The following ARSK variants were observed in gnomAD, a reference collection of about 807,000 sequenced individuals.
ARSK encodes the protein arylsulfatase family member K, also known as arylsulfatase K.
ARSK carries 37 observed loss-of-function variants against 53.2 expected under a neutral mutation model. The observed-to-expected ratio is 0.70, with a 90% CI of 0.54 to 0.92. The LOEUF is 0.92. ARSK is among the 40% of genes least tolerant of loss of function. ARSK has a pLI of 0.00. For missense variants in ARSK, 613 were observed against 643.0 expected (o/e 0.95, Z 0.51); for synonymous variants, 208 against 223.2 (o/e 0.93, Z 0.61).
intron 1 of ARSK, among the ~76,000 whole-genome samples, chr5:95,558,738 C>G (rs966720682): frequency 6.6e-6 from 1 of 152,184 alleles, no homozygotes; most frequent in Non-Finnish European, 1.5e-5. Context: ...CAAAGAGAAG[C>G]ACAGACCCAA....
At chr5:95,582,211 C>T (rs1367392377) in intron 3 of ARSK, among the ~76,000 whole-genome samples, 2 of 152,086 alleles carry the variant, frequency 1.3e-5, no homozygotes, top group Admixed American at 1.3e-4. Flanking sequence ...CCAATTATGT[C>T]AGCTACATAT....
intron 1 of ARSK, among the ~76,000 whole-genome samples, chr5:95,564,989 C>T (rs1309900698): frequency 6.6e-6 from 1 of 152,174 alleles, no homozygotes; most frequent in East Asian, 1.9e-4. Context: ...TATCCAACAG[C>T]CTACTTTATA....
chr5:95,600,002 C>T (rs1321808810), intron 6 of ARSK, among the ~76,000 whole-genome samples: 7 of 152,104 alleles, frequency 4.6e-5, no homozygotes, highest in Admixed American at 1.3e-4. Context: ...ACCCTAATTA[C>T]CCAGACATAA....
chr5:95,598,328 T>A (rs770645738), intron 6 of ARSK, among the ~76,000 whole-genome samples: 3 of 152,214 alleles, frequency 2.0e-5, no homozygotes, highest in Non-Finnish European at 4.4e-5. Context: ...AAACAGCTTT[T>A]TGAAAAGCAG....
intron 1 of ARSK, among the ~76,000 whole-genome samples, chr5:95,563,065 T>C (rs1055376103): frequency 7.2e-5 from 11 of 152,252 alleles, no homozygotes; most frequent in African/African-American, 2.4e-4. Flanking sequence ...CTCCCATTGA[T>C]ACCATTATCA....
At chr5:95,586,409 A>T (rs950899647) in intron 4 of ARSK, among the ~76,000 whole-genome samples, 153 bp from the exon 5 acceptor site, 10 of 152,104 alleles carry the variant, frequency 6.6e-5, no homozygotes, top group Non-Finnish European at 7.4e-5. Context: ...TTCCTAATTT[A>T]TGTATTGATT....
chr5:95,583,040 G>C lies in ARSK; in HGVS notation c.541G>C (p.Asp181His). The C allele has an allele frequency of 6.2e-7, 1 of 1,613,810 alleles. No individual in the cohort carries two copies. The highest frequency in any genetic ancestry group is 8.5e-7 in the Non-Finnish European group (1 of 1,179,788). Residue 181 changes from aspartate to histidine, a missense_variant, in exon 4 of 8, where the codon GAC (aspartate) becomes CAC (histidine). Physicochemically the swap from Asp to His is moderately conservative, Grantham distance 81. Coordinates refer to ENST00000380009, the MANE Select transcript of ARSK (RefSeq NM_198150.3). ...GATGGAAAGGGATTGGCAGAATACA[G>C]ACAAAGCAGTAAACTGGTTAAGAAA... is the stretch of plus-strand genomic sequence containing the variant. Reference protein sequence around the residue: ...RVMERDWQNTDKAVNWLRKEA... With the variant: ...RVMERDWQNTHKAVNWLRKEA...
intron 6 of ARSK, among the ~76,000 whole-genome samples, chr5:95,597,061 T>C (rs1283951724): frequency 1.3e-5 from 2 of 152,134 alleles, no homozygotes; most frequent in African/African-American, 4.8e-5. Context: ...TCTGAGATTA[T>C]TTAAAAATTA....
intron 1 of ARSK, among the ~76,000 whole-genome samples, chr5:95,562,797 T>G (rs1455532099): frequency 1.3e-5 from 2 of 152,170 alleles, no homozygotes; most frequent in African/African-American, 4.8e-5. Context: ...AATTTTAGAG[T>G]GCTTAATTTG....
intron 1 of ARSK, among the ~76,000 whole-genome samples, chr5:95,564,284 C>CA (rs1427911959): frequency 1.3e-5 from 2 of 152,124 alleles, no homozygotes; most frequent in African/African-American, 4.8e-5. Flanking sequence ...GGCCACTATG[C>CA]ACTTTTGTCT....
intron 6 of ARSK, among the ~76,000 whole-genome samples, chr5:95,597,064 A>G (rs1424168456): frequency 6.6e-6 from 1 of 152,132 alleles, no homozygotes; most frequent in Non-Finnish European, 1.5e-5. Flanking sequence ...GAGATTATTT[A>G]AAAATTACTT....
In ARSK at chr5:95,555,975, A is replaced by T. The variant is rs911234446; in HGVS notation, c.126+571A>T. Among the ~76,000 whole-genome samples the T allele has an allele frequency of 6.6e-6, 1 of 152,222 alleles. No individual in the cohort carries two copies. Among genetic ancestry groups the T allele is most frequent in the African/African-American group, 2.4e-5 (1 of 41,460 alleles). On this transcript the variant is annotated intron_variant, in intron 1 of 7. Coordinates refer to ENST00000380009, the MANE Select transcript of ARSK (RefSeq NM_198150.3). The surrounding 1 kb of genome is among the most constrained non-coding windows in gnomAD (Gnocchi z 4.0). The stretch of plus-strand genomic sequence containing the variant: ...GTGTTGGTAATGTGGCTGAATCCCA[A>T]ACTTAAACAGTTTTTGAAACTTTCC...
At chr5:95,601,187 A>G (rs2112451329) in intron 7 of ARSK, 116 bp downstream of exon 7, 2 of 1,004,834 alleles carry the variant, frequency 2.0e-6, no homozygotes, top group South Asian at 1.6e-5. Context: ...GCTGCTTCTC[A>G]TGCTAGGACG....
intron 1 of ARSK, among the ~76,000 whole-genome samples, chr5:95,563,821 C>G (rs541299372): frequency 6.6e-6 from 1 of 152,180 alleles, no homozygotes; most frequent in African/African-American, 2.4e-5. Flanking sequence ...CCTGGGTTGT[C>G]TAGATTCTAG....
intron 3 of ARSK, among the ~76,000 whole-genome samples, chr5:95,580,725 T>C (rs568084147): frequency 2.0e-5 from 3 of 152,178 alleles, no homozygotes; most frequent in Non-Finnish European, 4.4e-5. Flanking sequence ...GTAGTGAAAG[T>C]AGAATGGAGA....
chr5:95,597,454 G>A (rs1380337215), intron 6 of ARSK, among the ~76,000 whole-genome samples: 1 of 152,220 alleles, frequency 6.6e-6, no homozygotes, highest in African/African-American at 2.4e-5. Flanking sequence ...GCTAACTACA[G>A]TAAGGCAAGG....
intron 1 of ARSK, among the ~76,000 whole-genome samples, chr5:95,562,818 A>T (rs762155189): frequency 4.6e-4 from 70 of 152,390 alleles, no homozygotes; most frequent in Non-Finnish European, 9.1e-4. Context: ...TTTGAACCAT[A>T]GGAATGGCCT....
At chr5:95,595,082 A>C (rs536236839) in intron 6 of ARSK, among the ~76,000 whole-genome samples, 1 of 152,196 alleles carries the variant, frequency 6.6e-6, no homozygotes, top group Non-Finnish European at 1.5e-5. Context: ...TCTAGTAGTA[A>C]TGATTGGATT....
At chr5:95,559,778 T>C (rs1442031550) in intron 1 of ARSK, among the ~76,000 whole-genome samples, 1 of 152,162 alleles carries the variant, frequency 6.6e-6, no homozygotes, top group East Asian at 1.9e-4. Context: ...GTTTTCTGAC[T>C]AAGATCAGGA....
Sources: gnomAD v4.1 joint callset for allele counts (sites outside exome capture counted in the v4.1 genomes callset) on GRCh38, gnomAD v4.1.1 for gene constraint, Gnocchi (gnomAD v3.1) non-coding constraint, MANE v1.5 for transcripts, NCBI Gene and HGNC (gene_info 2026-07-23, HGNC 2026-07-21) for gene names.